RSRC1: variants seen among roughly 807,000 people sequenced by gnomAD.
RSRC1 encodes the protein arginine and serine rich coiled-coil 1, also known as serine/Arginine-related protein 53.
RSRC1 carries 39 observed loss-of-function variants against 49.1 expected under a neutral mutation model. The observed-to-expected ratio is 0.79, with a 90% CI of 0.61 to 1.04. RSRC1 has a LOEUF of 1.04. RSRC1 is among the 50% of genes least tolerant of loss of function. The pLI, the probability that RSRC1 is intolerant of heterozygous loss-of-function variation, is 0.00. For missense variants in RSRC1, 388 were observed against 402.4 expected (o/e 0.96, Z 0.31); for synonymous variants, 143 against 130.8 (o/e 1.09, Z -0.63).
At chr3:158,286,243 A>G (rs1257964395) in intron 4 of RSRC1, among the ~76,000 whole-genome samples, 1 of 152,166 alleles carries the variant, frequency 6.6e-6, no homozygotes, top group Non-Finnish European at 1.5e-5. Flanking sequence ...ATTGTTTTTT[A>G]GAGTTGAAAG....
chr3:158,199,054 T>A (rs916413414), intron 3 of RSRC1, among the ~76,000 whole-genome samples: 6 of 152,156 alleles, frequency 3.9e-5, no homozygotes, highest in Non-Finnish European at 7.4e-5. Context: ...TGGGAGATGA[T>A]TGAATCATCA....
At chr3:158,519,298 T>C (rs1460365810) in intron 7 of RSRC1, among the ~76,000 whole-genome samples, 1 of 152,126 alleles carries the variant, frequency 6.6e-6, no homozygotes, top group African/African-American at 2.4e-5. Flanking sequence ...AACTGGTTTC[T>C]TTACTCTCTT....
At chr3:158,377,033 T>G (rs1186735258) in intron 6 of RSRC1, among the ~76,000 whole-genome samples, 1 of 152,196 alleles carries the variant, frequency 6.6e-6, no homozygotes, top group East Asian at 1.9e-4. Context: ...AAGATAGTGT[T>G]CACTACCTGT....
intron 3 of RSRC1, among the ~76,000 whole-genome samples, chr3:158,138,112 G>A (rs1379318544): frequency 1.3e-5 from 2 of 152,192 alleles, no homozygotes; most frequent in East Asian, 3.8e-4. Context: ...ACATTGTGGG[G>A]ACCTCTAGTT....
intron 6 of RSRC1, among the ~76,000 whole-genome samples, chr3:158,412,686 G>A (rs1214825115): frequency 6.6e-6 from 1 of 152,050 alleles, no homozygotes; most frequent in Non-Finnish European, 1.5e-5. Flanking sequence ...TGAGAGCAGT[G>A]GCTCATGCTT....
chr3:158,268,401 G>T (rs910610060), intron 4 of RSRC1, among the ~76,000 whole-genome samples: 3 of 152,010 alleles, frequency 2.0e-5, no homozygotes, highest in Non-Finnish European at 4.4e-5. Context: ...TTCAGATTTG[G>T]ATCATACTGT....
chr3:158,159,263 T>C (rs1718067829), intron 3 of RSRC1, among the ~76,000 whole-genome samples: 1 of 152,128 alleles, frequency 6.6e-6, no homozygotes, highest in Admixed American at 6.5e-5. Flanking sequence ...GCTGCAAAAC[T>C]ATGAAAGTAA....
intron 7 of RSRC1, among the ~76,000 whole-genome samples, chr3:158,531,930 T>C (rs1426519659): frequency 6.6e-6 from 1 of 151,884 alleles, no homozygotes; most frequent in African/African-American, 2.4e-5. Context: ...CATACAAACA[T>C]ATTGTTGTTT....
intron 4 of RSRC1, among the ~76,000 whole-genome samples, chr3:158,248,918 G>A (rs1212937525): frequency 5.3e-5 from 8 of 152,072 alleles, no homozygotes; most frequent in Admixed American, 5.2e-4. Flanking sequence ...TACATTGACA[G>A]GTGTCAGGTT....
In RSRC1 at chr3:158,146,409, C is replaced by T. The variant is rs777642180; in HGVS notation, c.320+22418C>T. ...AATCATGTGGTTTTTGTCATTGGTT[C>T]TGTTTATATGCTGGATTACGTTTAT... On this transcript the variant is annotated intron_variant, in intron 3 of 9. Coordinates refer to ENST00000611884, the MANE Select transcript of RSRC1 (RefSeq NM_001271838.2). 1.4e-3 allele frequency among the ~76,000 whole-genome samples: 214 copies of T among 152,180 alleles called. 1 individual carries two copies. Among genetic ancestry groups the T allele is most frequent in the Non-Finnish European group, 2.7e-3 (181 of 68,016 alleles).
chr3:158,497,677 C>T (rs564931787), intron 7 of RSRC1, among the ~76,000 whole-genome samples: 157 of 152,154 alleles, frequency 1.0e-3, no homozygotes, highest in Non-Finnish European at 1.9e-3. Flanking sequence ...CCTCGTGATC[C>T]GCCTGCCTCA....
intron 3 of RSRC1, among the ~76,000 whole-genome samples, chr3:158,199,761 T>C (rs997074222): frequency 6.6e-6 from 1 of 152,222 alleles, no homozygotes; most frequent in Non-Finnish European, 1.5e-5. Context: ...TGTGCTTTCT[T>C]ACTTTACTCA....
intron 3 of RSRC1, among the ~76,000 whole-genome samples, chr3:158,133,873 A>G (rs1313209303): frequency 1.3e-5 from 2 of 152,182 alleles, no homozygotes; most frequent in Admixed American, 1.3e-4. Flanking sequence ...AACAGGTTGA[A>G]GTGATTCTGG....
chr3:158,207,769 T>C (rs1437337346), intron 4 of RSRC1, among the ~76,000 whole-genome samples: 2 of 152,010 alleles, frequency 1.3e-5, no homozygotes, highest in African/African-American at 4.8e-5. Context: ...AGGTTGTTTA[T>C]AAATTGGGAA....
intron 7 of RSRC1, among the ~76,000 whole-genome samples, chr3:158,526,561 C>A (rs1182452519): frequency 2.0e-5 from 3 of 152,112 alleles, no homozygotes; most frequent in South Asian, 4.1e-4. Context: ...TGCCAATGAA[C>A]TCTGAGAGAG....
intron 6 of RSRC1, among the ~76,000 whole-genome samples, chr3:158,359,491 C>T (rs754950790): frequency 2.6e-5 from 4 of 152,116 alleles, no homozygotes; most frequent in Admixed American, 6.6e-5. Context: ...AAACTCTGTG[C>T]GGCTGCTGCA....
Position 158,404,802 on chromosome 3 carries a change from C to T in RSRC1, c.583+49894C>T, listed in dbSNP as rs114313450. On this transcript the variant is annotated intron_variant, in intron 6 of 9. Coordinates refer to ENST00000611884, the MANE Select transcript of RSRC1 (RefSeq NM_001271838.2). ...CTTATTCTTCAATAACACATGAATA[C>T]GGGTTGATTACATTTTTCAATTTGT... Among the ~76,000 whole-genome samples the T allele has an allele frequency of 7.4e-3, 1,128 of 151,976 alleles. 8 individuals are homozygous for T. The highest frequency in any genetic ancestry group is 0.026 in the African/African-American group (1,061 of 41,494).
chr3:158,435,416 A>G (rs1386610624), intron 6 of RSRC1, among the ~76,000 whole-genome samples: 1 of 151,792 alleles, frequency 6.6e-6, no homozygotes. Flanking sequence ...TTTATCCAGT[A>G]GGAGAAAATT....
At chr3:158,419,280 A>G (rs561658730) in intron 6 of RSRC1, among the ~76,000 whole-genome samples, 1 of 152,064 alleles carries the variant, frequency 6.6e-6, no homozygotes, top group African/African-American at 2.4e-5. Flanking sequence ...CCTGATTAGT[A>G]CTTATGGCTG....
Sources: allele counts gnomAD v4.1 joint callset (sites outside exome capture counted in the v4.1 genomes callset), GRCh38; gene constraint gnomAD v4.1.1; transcripts MANE v1.5; gene names NCBI Gene and HGNC (gene_info 2026-07-23, HGNC 2026-07-21).